MALAT1: variants seen among roughly 807,000 people sequenced by gnomAD.
MALAT1 encodes the protein hepcarcin.
intron 3 of MALAT1, chr11:65,505,654 G>T (rs1189664752): frequency 7.7e-6 from 4 of 518,956 alleles, no homozygotes; most frequent in South Asian, 4.2e-5. Context: ...ATCCATAATC[G>T]GTTTCAAGGT....
At chr11:65,501,200 C>G (rs1213776117) in exon 3 of MALAT1, 1 of 457,396 alleles carries the variant, frequency 2.2e-6, no homozygotes, top group South Asian at 1.4e-5. Flanking sequence ...GGATGTGTAA[C>G]TGAGGCGGGG....
exon 3 of MALAT1, chr11:65,500,754 C>A (rs778197950): frequency 5.8e-6 from 3 of 518,790 alleles, no homozygotes; most frequent in African/African-American, 5.8e-5. Flanking sequence ...ACAGGGAAAG[C>A]GAGTGGTTGG....
chr11:65,498,991 C>T (rs1016024908), exon 3 of MALAT1: 2 of 518,844 alleles, frequency 3.9e-6, no homozygotes, highest in Non-Finnish European at 7.7e-6. Context: ...GATCGAATTC[C>T]GGTGATGCGA....
chr11:65,502,876 T>G (rs1590704375), exon 3 of MALAT1: 1 of 493,112 alleles, frequency 2.0e-6, no homozygotes, highest in East Asian at 5.6e-5. Context: ...AATCTACCAT[T>G]TTAAAGTTAA....
chr11:65,505,639 G>A (rs1854668633), intron 3 of MALAT1: 1 of 518,908 alleles, frequency 1.9e-6, no homozygotes, highest in Non-Finnish European at 3.8e-6. Context: ...ATCCTTGTGG[G>A]CATGATCCAT....
chr11:65,502,678 C>T, exon 3 of MALAT1: 1 of 492,452 alleles, frequency 2.0e-6, no homozygotes, highest in South Asian at 1.5e-5. Context: ...ACCAGCCTGG[C>T]AGTATGATGG....
exon 1 of MALAT1, chr11:65,497,782 A>C: frequency 4.2e-6 from 2 of 474,912 alleles, no homozygotes; most frequent in South Asian, 3.0e-5. Context: ...GGGGCCCCGC[A>C]ACTGGCCTCT....
At chr11:65,499,302 G>A (rs746895626) in exon 3 of MALAT1, 10 of 511,390 alleles carry the variant, frequency 2.0e-5, no homozygotes, top group Non-Finnish European at 3.5e-5. Flanking sequence ...AAAACATGAC[G>A]GAGGTTGAGA....
chr11:65,498,409 G>T, intron 1 of MALAT1: 1 of 518,580 alleles, frequency 1.9e-6, no homozygotes, highest in South Asian at 1.4e-5. Flanking sequence ...GGCTCAGGCG[G>T]GGAGCAGCTC....
chr11:65,502,779 C>A, exon 3 of MALAT1: 1 of 515,222 alleles, frequency 1.9e-6, no homozygotes, highest in South Asian at 1.4e-5. Context: ...ATAAGCATAA[C>A]CCTGAGATTC....
At chr11:65,503,765 C>A (rs202101732) in exon 3 of MALAT1, 51 of 515,548 alleles carry the variant, frequency 9.9e-5, no homozygotes, top group Middle Eastern at 3.2e-4. Flanking sequence ...TGGACCAGAT[C>A]AGGATTTGAG....
At position 65,504,493 on chromosome 11, in the gene MALAT1, A is replaced by T. The variant is rs776249050; in HGVS notation, n.5168+588A>T. ...TGGAGTAGTGATTGTTGAAGGAAAA[A>T]ATCCAGCTGAGTGATAAAGGCTGAG... is the stretch of plus-strand genomic sequence containing the variant. On this transcript the variant is annotated intron_variant and non_coding_transcript_variant, in intron 3 of 3. Coordinates refer to ENST00000619449, the Ensembl canonical transcript of MALAT1. 9 of 518,842 alleles carry T rather than the reference A, an allele frequency of 1.7e-5. 1 individual carries two copies. The highest frequency in any genetic ancestry group is 3.5e-5 in the Non-Finnish European group (9 of 259,866). The allele number at this position is 518,842 out of a possible 1,614,324, so 32.1% of individuals were successfully genotyped here.
chr11:65,500,954 C>T lies in MALAT1; in HGVS notation n.2217C>T, dbSNP rs1003361852. On this transcript the variant is annotated non_coding_transcript_exon_variant, in exon 3 of 4. Coordinates refer to ENST00000619449, the Ensembl canonical transcript of MALAT1. ...TTATACTCATGAATCTTGTCTGAAG[C>T]TTTTGAGGGCAGACTGCCAAGTCCT... The T allele has an allele frequency of 3.5e-5, 18 of 510,672 alleles. No homozygotes were observed. The Admixed American group carries it at 3.6e-4, about 10-fold the overall frequency. 31.6% of individuals were successfully genotyped at this position (510,672 alleles called of 1,614,324 possible). A position where few individuals can be genotyped will look rare whatever the true frequency, so the allele number is the denominator to read the frequency against.
At chr11:65,501,579 A>G (rs377088230) in exon 3 of MALAT1, 8 of 518,420 alleles carry the variant, frequency 1.5e-5, no homozygotes, top group South Asian at 2.8e-5. Flanking sequence ...GTTTTTTTCT[A>G]AGATTTTCCA....
At chr11:65,506,320 G>A (rs868304699) in exon 4 of MALAT1, 3 of 468,606 alleles carry the variant, frequency 6.4e-6, no homozygotes. Flanking sequence ...AATTTGTCAG[G>A]AGCTTGACTT....
chr11:65,499,115 G>GT (rs762654990), exon 3 of MALAT1: 10 of 517,846 alleles, frequency 1.9e-5, no homozygotes, highest in Admixed American at 3.9e-5. Flanking sequence ...CCGCAGATAA[G>GT]TTTTTTTCTC....
chr11:65,500,283 T>G (rs772958293), exon 3 of MALAT1: 3 of 518,746 alleles, frequency 5.8e-6, no homozygotes, highest in Non-Finnish European at 1.2e-5. Context: ...AGGACTTTCG[T>G]AACGGAAGTA....
intron 3 of MALAT1, chr11:65,504,551 G>A (rs375814652): frequency 3.9e-5 from 20 of 518,830 alleles, no homozygotes; most frequent in Non-Finnish European, 5.8e-5. Flanking sequence ...TTAAGCAGTC[G>A]TATTTGTGAT....
At chr11:65,498,849 T>A (rs762623484) in intron 2 of MALAT1, 1 of 518,434 alleles carries the variant, frequency 1.9e-6, no homozygotes, top group Non-Finnish European at 3.8e-6. Context: ...CGCTAGTAAT[T>A]TAAGTATTTC....
Sources: allele counts gnomAD v4.1 joint callset, GRCh38; gene constraint gnomAD v4.1.1; transcripts MANE v1.5; gene names NCBI Gene and HGNC (gene_info 2026-07-23, HGNC 2026-07-21).